The following GALNT13 variants were observed in gnomAD, a reference collection of about 807,000 sequenced individuals.
The protein encoded by GALNT13 is polypeptide N-acetylgalactosaminyltransferase 13.
Under a neutral mutation model 64.2 loss-of-function variants are expected in GALNT13, and 28 were observed. The observed-to-expected ratio is 0.44, with a 90% CI of 0.32 to 0.60. The LOEUF is 0.60. GALNT13 is among the 20% of genes least tolerant of loss of function. The pLI is 0.05. For synonymous variants in GALNT13, 214 were observed against 224.6 expected (o/e 0.95, Z 0.42); for missense variants, 577 against 669.8 (o/e 0.86, Z 1.53).
At chr2:153,467,964 A>G in the GALNT13 span, among the ~76,000 whole-genome samples, 1 of 152,046 alleles carries the variant, frequency 6.6e-6, no homozygotes, top group Non-Finnish European at 1.5e-5. Context: ...GAAGAAAGTC[A>G]GAAGAGTTTA....
At chr2:153,536,509 ATGACT>A in the GALNT13 span, among the ~76,000 whole-genome samples, 1 of 152,044 alleles carries the variant, frequency 6.6e-6, no homozygotes, top group Non-Finnish European at 1.5e-5. Flanking sequence ...AGATGAAGTG[ATGACT>A]TGTAAGCTCC....
intron 9 of GALNT13, among the ~76,000 whole-genome samples, chr2:154,358,845 T>G (rs1696900439): frequency 6.6e-6 from 1 of 152,110 alleles, no homozygotes; most frequent in South Asian, 2.1e-4. Context: ...TGACTTGCAT[T>G]CATAGTACTG....
intron 9 of GALNT13, among the ~76,000 whole-genome samples, chr2:154,328,642 T>C (rs1452136437): frequency 6.6e-6 from 1 of 152,114 alleles, no homozygotes; most frequent in Non-Finnish European, 1.5e-5. Flanking sequence ...TCAAAATCTG[T>C]ATTTCAACCA....
chr2:153,727,791 C>G, the GALNT13 span, among the ~76,000 whole-genome samples: 1 of 151,550 alleles, frequency 6.6e-6, no homozygotes, highest in Non-Finnish European at 1.5e-5. Context: ...AGGTTTGTTA[C>G]ATAGGTATAC....
At chr2:153,512,703 A>T in the GALNT13 span, among the ~76,000 whole-genome samples, 5 of 152,238 alleles carry the variant, frequency 3.3e-5, no homozygotes, top group Admixed American at 6.5e-5. Context: ...GTATGCAGTT[A>T]ATAAATGTTA....
intron 2 of GALNT13, among the ~76,000 whole-genome samples, chr2:153,923,467 A>G (rs932237075): frequency 6.6e-6 from 1 of 152,126 alleles, no homozygotes; most frequent in East Asian, 1.9e-4. Flanking sequence ...TACTTTTAAC[A>G]GGGAGAGTAT....
chr2:154,022,663 T>G (rs1697606449), intron 3 of GALNT13, among the ~76,000 whole-genome samples: 1 of 152,140 alleles, frequency 6.6e-6, no homozygotes, highest in South Asian at 2.1e-4. Flanking sequence ...GATTCATTAA[T>G]TTTTTGGAGG....
At chr2:153,864,509 A>G in the GALNT13 span, among the ~76,000 whole-genome samples, 2 of 152,130 alleles carry the variant, frequency 1.3e-5, no homozygotes, top group Non-Finnish European at 2.9e-5. Context: ...TTGCACATTG[A>G]TTTTGTATCC....
chr2:153,130,585 C>T, the GALNT13 span, among the ~76,000 whole-genome samples: 1 of 152,054 alleles, frequency 6.6e-6, no homozygotes, highest in South Asian at 2.1e-4. Context: ...TTCAATACAC[C>T]CCAGACACAC....
the GALNT13 span, among the ~76,000 whole-genome samples, chr2:153,821,966 C>A: frequency 3.3e-5 from 5 of 152,106 alleles, no homozygotes; most frequent in Non-Finnish European, 5.9e-5. Flanking sequence ...TCTGTTCACA[C>A]AAACTAGAAA....
the GALNT13 span, among the ~76,000 whole-genome samples, chr2:153,664,682 A>G: frequency 6.6e-6 from 1 of 152,214 alleles, no homozygotes; most frequent in Non-Finnish European, 1.5e-5. Flanking sequence ...GGCATTAAGA[A>G]ATTATAAAAG....
At chr2:153,783,719 C>T in the GALNT13 span, among the ~76,000 whole-genome samples, 97 of 152,192 alleles carry the variant, frequency 6.4e-4, no homozygotes, top group Admixed American at 1.2e-3. Flanking sequence ...TCTCATAGTG[C>T]GTGAGTTCTC....
intron 8 of GALNT13, among the ~76,000 whole-genome samples, chr2:154,265,558 G>A (rs1031862980): frequency 5.3e-5 from 8 of 152,080 alleles, no homozygotes; most frequent in Non-Finnish European, 1.2e-4. Context: ...AATTAACCGG[G>A]TGTGGTGGCG....
the GALNT13 span, among the ~76,000 whole-genome samples, chr2:153,647,149 C>T: frequency 0.074 from 11,258 of 152,092 alleles, 945 homozygotes; most frequent in East Asian, 0.26. Flanking sequence ...TTTTAATGAT[C>T]GCCATTCTAA....
chr2:153,680,596 C>G, the GALNT13 span, among the ~76,000 whole-genome samples: 1 of 151,840 alleles, frequency 6.6e-6, no homozygotes, highest in Non-Finnish European at 1.5e-5. Flanking sequence ...CATAGGCTGT[C>G]ATAAACTTGA....
the GALNT13 span, among the ~76,000 whole-genome samples, chr2:153,845,783 G>A: frequency 1.1e-5 from 1 of 91,132 alleles, no homozygotes; most frequent in Non-Finnish European, 2.8e-5. Context: ...AATGAAGCAG[G>A]GTAAATGTAA....
chr2:154,353,709 C>T (rs992159889), intron 9 of GALNT13, among the ~76,000 whole-genome samples: 2 of 152,096 alleles, frequency 1.3e-5, no homozygotes, highest in African/African-American at 2.4e-5. Flanking sequence ...GCATAATGCC[C>T]TCTGGGTCCA....
the GALNT13 span, among the ~76,000 whole-genome samples, chr2:153,242,612 A>T: frequency 1.3e-5 from 2 of 152,352 alleles, no homozygotes; most frequent in East Asian, 1.9e-4. Flanking sequence ...TATGGTTAAA[A>T]TGTGCTTCAT....
chr2:153,134,475 G>T, the GALNT13 span, among the ~76,000 whole-genome samples: 1 of 151,654 alleles, frequency 6.6e-6, no homozygotes, highest in East Asian at 2.0e-4. Flanking sequence ...TGGTAAGTGG[G>T]GCTGTTTATC....
Sources: gnomAD v4.1 joint callset for allele counts (sites outside exome capture counted in the v4.1 genomes callset) on GRCh38, gnomAD v4.1.1 for gene constraint, MANE v1.5 for transcripts, NCBI Gene and HGNC (gene_info 2026-07-23, HGNC 2026-07-21) for gene names.